Variants in ADGRL3 observed in about 807,000 individuals in gnomAD.
ADGRL3 encodes the protein adhesion G protein-coupled receptor L3, also known as calcium-independent alpha-latrotoxin receptor 3.
ADGRL3 carries 62 observed loss-of-function variants against 153.5 expected under a neutral mutation model. The ratio of observed to expected loss-of-function variants is 0.40; its 90% CI spans 0.33 to 0.50. The LOEUF (loss-of-function observed/expected upper bound fraction) is 0.50. Among genes scored for constraint, ADGRL3 ranks in the 20% least tolerant of loss-of-function variants. The pLI is 0.47. For synonymous variants in ADGRL3, 710 were observed against 672.5 expected (o/e 1.06, Z -0.86); for missense variants, 1,641 against 1,859.4 (o/e 0.88, Z 2.16).
intron 1 of ADGRL3, among the ~76,000 whole-genome samples, chr4:61,262,015 C>A (rs1182071538): frequency 6.6e-6 from 1 of 150,532 alleles, no homozygotes; most frequent in Non-Finnish European, 1.5e-5. Context: ...TTAAGAGAGA[C>A]CAAGGAAGGG....
intron 8 of ADGRL3, among the ~76,000 whole-genome samples, chr4:61,766,445 A>T (rs1377449974): frequency 6.6e-6 from 1 of 152,160 alleles, no homozygotes; most frequent in Non-Finnish European, 1.5e-5. Context: ...GAAAGGCTAC[A>T]GGGTGTGGTC....
intron 5 of ADGRL3, among the ~76,000 whole-genome samples, chr4:61,671,308 TTAACAG>T (rs1369118026): frequency 6.6e-6 from 1 of 152,148 alleles, no homozygotes; most frequent in Non-Finnish European, 1.5e-5. Context: ...AATGGACAAA[TTAACAG>T]TAAATGATTA....
At chr4:61,358,682 T>C (rs1166796366) in intron 1 of ADGRL3, among the ~76,000 whole-genome samples, 5 of 151,776 alleles carry the variant, frequency 3.3e-5, no homozygotes, top group Non-Finnish European at 7.4e-5. Flanking sequence ...CATCCCACTT[T>C]CCTTGTATTT....
At chr4:61,350,256 CT>C (rs1338258220) in intron 1 of ADGRL3, among the ~76,000 whole-genome samples, 1 of 150,326 alleles carries the variant, frequency 6.7e-6, no homozygotes, top group African/African-American at 2.5e-5. Flanking sequence ...CCATTTTGGA[CT>C]TTGAATTCTG....
intron 2 of ADGRL3, among the ~76,000 whole-genome samples, chr4:61,460,552 T>C (rs1474977133): frequency 6.6e-6 from 1 of 151,618 alleles, no homozygotes; most frequent in Admixed American, 6.6e-5. Context: ...GGGAGGGGGA[T>C]GAAGAGAGGT....
chr4:61,246,393 G>A (rs1344198215), intron 1 of ADGRL3, among the ~76,000 whole-genome samples: 1 of 151,962 alleles, frequency 6.6e-6, no homozygotes, highest in Non-Finnish European at 1.5e-5. Context: ...AAGCATCGGG[G>A]GGAGTTTAGT....
At chr4:61,777,127 G>A (rs1239867111) in intron 8 of ADGRL3, among the ~76,000 whole-genome samples, 1 of 152,110 alleles carries the variant, frequency 6.6e-6, no homozygotes, top group Non-Finnish European at 1.5e-5. Context: ...GAGGTGAGGA[G>A]ATCGAGACCA....
chr4:61,945,484 G>T (rs2150271904), intron 15 of ADGRL3, among the ~76,000 whole-genome samples: 1 of 129,064 alleles, frequency 7.7e-6, no homozygotes, highest in Middle Eastern at 3.9e-3. Flanking sequence ...CTTCCAGGCT[G>T]CTTTGTTTAC....
At chr4:61,586,244 AT>A (rs2098946134) in intron 4 of ADGRL3, among the ~76,000 whole-genome samples, 1 of 151,992 alleles carries the variant, frequency 6.6e-6, no homozygotes, top group South Asian at 2.1e-4. Context: ...GTACCTTAAA[AT>A]GTATTTGGAT....
intron 4 of ADGRL3, among the ~76,000 whole-genome samples, chr4:61,537,631 T>C (rs1038560082): frequency 1.3e-5 from 2 of 152,134 alleles, no homozygotes; most frequent in Non-Finnish European, 2.9e-5. Context: ...TCTGAAATTC[T>C]TTCTTCTTCT....
chr4:61,890,083 T>C (rs1281451305), intron 9 of ADGRL3, among the ~76,000 whole-genome samples: 1 of 152,208 alleles, frequency 6.6e-6, no homozygotes, highest in Non-Finnish European at 1.5e-5. Flanking sequence ...TGAGATTATT[T>C]AACTAATAAT....
chr4:62,058,222 C>T (rs536158968), intron 25 of ADGRL3, among the ~76,000 whole-genome samples: 21 of 152,128 alleles, frequency 1.4e-4, no homozygotes, highest in African/African-American at 5.1e-4. Flanking sequence ...TTGTTATCCG[C>T]AGTTAGTATT....
At chr4:61,407,837 G>C (rs1442226671) in intron 2 of ADGRL3, among the ~76,000 whole-genome samples, 2 of 152,116 alleles carry the variant, frequency 1.3e-5, no homozygotes, top group Non-Finnish European at 2.9e-5. Context: ...GAATTCACTA[G>C]AGAATGAATG....
intron 4 of ADGRL3, among the ~76,000 whole-genome samples, 193 bp from the exon 5 acceptor site, chr4:61,587,034 T>C (rs1497903): frequency 0.031 from 4,783 of 152,210 alleles, 224 homozygotes; most frequent in African/African-American, 0.11. Flanking sequence ...AATAACTGTT[T>C]CTGTTAGATT....
intron 25 of ADGRL3, among the ~76,000 whole-genome samples, chr4:62,067,298 A>G (rs564093891): frequency 6.6e-6 from 1 of 152,160 alleles, no homozygotes; most frequent in Non-Finnish European, 1.5e-5. Flanking sequence ...TTTGTAGACA[A>G]AATCAGCAAG....
intron 5 of ADGRL3, among the ~76,000 whole-genome samples, chr4:61,635,476 G>T (rs2093376745): frequency 6.6e-6 from 1 of 152,110 alleles, no homozygotes; most frequent in Non-Finnish European, 1.5e-5. Context: ...ATACCGTTGG[G>T]ACAGGCAAAA....
intron 25 of ADGRL3, among the ~76,000 whole-genome samples, chr4:62,058,268 T>G (rs1001354519): frequency 1.3e-5 from 2 of 152,140 alleles, no homozygotes; most frequent in African/African-American, 2.4e-5. Context: ...AATATATGAT[T>G]GATTGTTTAT....
At chr4:61,391,878 G>A (rs1357889882) in intron 2 of ADGRL3, among the ~76,000 whole-genome samples, 1 of 15,632 alleles carries the variant, frequency 6.4e-5, no homozygotes, top group Non-Finnish European at 1.6e-4. Flanking sequence ...TTTTTTTTTT[G>A]AGATGGAGTC....
intron 26 of ADGRL3, among the ~76,000 whole-genome samples, chr4:62,069,488 A>G (rs1744719600): frequency 6.6e-6 from 1 of 152,006 alleles, no homozygotes; most frequent in Non-Finnish European, 1.5e-5. Flanking sequence ...ATCTGACTAA[A>G]CATTATTTCA....
Sources: allele counts gnomAD v4.1 joint callset (sites outside exome capture counted in the v4.1 genomes callset), GRCh38; gene constraint gnomAD v4.1.1; transcripts MANE v1.5; gene names NCBI Gene and HGNC (gene_info 2026-07-23, HGNC 2026-07-21).